Variants in DOCK11 observed in about 807,000 individuals in gnomAD.
DOCK11 encodes dedicator of cytokinesis 11.
A neutral mutation model predicts 169.1 loss-of-function variants in DOCK11; 70 were observed. The ratio of observed to expected loss-of-function variants is 0.41; its 90% CI spans 0.34 to 0.51. The LOEUF (loss-of-function observed/expected upper bound fraction) is 0.51. Among genes scored for constraint, DOCK11 ranks in the 20% least tolerant of loss-of-function variants. The probability of loss-of-function intolerance (pLI) is 0.10; values close to 1 mark genes in which losing one functional copy is unlikely to be tolerated. For synonymous variants in DOCK11, 529 were observed against 541.3 expected (o/e 0.98, Z 0.32); for missense variants, 1,166 against 1,538.8 (o/e 0.76, Z 4.05).
chrX:118,525,985 C>T (rs1355907942), intron 1 of DOCK11, among the ~76,000 whole-genome samples: 1 of 112,003 alleles, frequency 8.9e-6, no homozygotes, highest in Non-Finnish European at 1.9e-5. Context: ...CCTACTTATT[C>T]CCTGTGAAAT....
chrX:118,643,712 C>T, intron 40 of DOCK11, 118 bp downstream of exon 40: 1 of 817,161 alleles, frequency 1.2e-6, no homozygotes, highest in Non-Finnish European at 1.8e-6. Flanking sequence ...CCATTAAGTA[C>T]TGCCTTTGTA....
intron 7 of DOCK11, among the ~76,000 whole-genome samples, chrX:118,563,696 TA>T (rs1312965704): frequency 6.5e-5 from 7 of 108,086 alleles, no homozygotes; most frequent in African/African-American, 2.3e-4. Context: ...TATTATCATT[TA>T]AAAAATTTTT....
intron 6 of DOCK11, among the ~76,000 whole-genome samples, chrX:118,550,778 G>T (rs1217181164): frequency 8.9e-6 from 1 of 112,190 alleles, no homozygotes; most frequent in Admixed American, 9.5e-5. Context: ...TAAAGATGAG[G>T]TGAGCAGCTG....
intron 6 of DOCK11, among the ~76,000 whole-genome samples, chrX:118,551,630 C>T (rs2012496622): frequency 9.1e-6 from 1 of 110,014 alleles, no homozygotes; most frequent in South Asian, 3.9e-4. Flanking sequence ...CCTGGGAGGT[C>T]AAAGCTACAG....
chrX:118,686,111 A>G lies in DOCK11; in HGVS notation c.*304A>G, dbSNP rs1052146617. 3.4e-5 allele frequency: 6 copies of G among 176,228 alleles called. No homozygotes were observed. The highest frequency in any genetic ancestry group is 1.5e-4 in the African/African-American group (5 of 33,500). 14.5% of individuals were successfully genotyped at this position (176,228 alleles called of 1,213,427 possible). On this transcript the variant is annotated 3_prime_UTR_variant, in exon 53 of 53. Coordinates refer to ENST00000276202, the MANE Select transcript of DOCK11 (RefSeq NM_144658.4). ...AAATAATGGTACTATGTAAAATTGT[A>G]TAATGGAATACAATAAAAGGTAAAA...
chrX:118,586,573 G>A (rs1057024415), intron 16 of DOCK11, among the ~76,000 whole-genome samples: 1 of 111,514 alleles, frequency 9.0e-6, no homozygotes, highest in South Asian at 3.7e-4. Context: ...GATTTGGGTG[G>A]AGACACAAAG....
intron 30 of DOCK11, among the ~76,000 whole-genome samples, chrX:118,617,037 A>G (rs1410394624): frequency 1.8e-5 from 2 of 112,102 alleles, no homozygotes; most frequent in African/African-American, 6.5e-5. Flanking sequence ...ATTAAATTGG[A>G]CTACTCGCAG....
At position 118,599,126 on chromosome X, in the gene DOCK11, A is replaced by G. The variant is rs2014257469; in HGVS notation, c.2473-13A>G. ...AATCAAATTTCATATGGCTGTTTCC[A>G]TCTGTGTTCCAGGATCTGCATGTGC... On this transcript the variant is annotated splice_polypyrimidine_tract_variant and intron_variant, in intron 22 of 52. Transcript: ENST00000276202. The G allele has an allele frequency of 1.7e-6, 2 of 1,194,577 alleles. No homozygotes were observed. Among genetic ancestry groups the G allele is most frequent in the Admixed American group, 2.2e-5 (1 of 45,301 alleles).
chrX:118,645,563 G>A (rs1244111913), intron 40 of DOCK11, among the ~76,000 whole-genome samples: 3 of 108,937 alleles, frequency 2.8e-5, no homozygotes, highest in African/African-American at 1.0e-4. Context: ...GCGTGGTGGC[G>A]GGTGCCTGTA....
At chrX:118,520,452 TC>T (rs1164513159) in intron 1 of DOCK11, among the ~76,000 whole-genome samples, 1 of 112,705 alleles carries the variant, frequency 8.9e-6, no homozygotes, top group Non-Finnish European at 1.9e-5. Context: ...ATGGTTGCTT[TC>T]CCCTCAAGCA....
chrX:118,576,645 C>T (rs148593840), intron 12 of DOCK11, among the ~76,000 whole-genome samples: 1,200 of 112,072 alleles, frequency 0.011, 8 homozygotes, highest in Non-Finnish European at 0.015. Context: ...ACTGGGTTAG[C>T]GCAGTGCAGC....
At chrX:118,530,235 A>G (rs1362725629) in intron 1 of DOCK11, among the ~76,000 whole-genome samples, 2 of 112,975 alleles carry the variant, frequency 1.8e-5, no homozygotes, top group Non-Finnish European at 3.7e-5. Context: ...ATTTTCCTCA[A>G]TAGTTTTGTA....
At chrX:118,607,112 CTTTTTTTT>C (rs776058680) in intron 24 of DOCK11, among the ~76,000 whole-genome samples, 1 of 63,002 alleles carries the variant, frequency 1.6e-5, no homozygotes, top group Admixed American at 1.9e-4. Context: ...TCCTTTCCTT[CTTTTTTTT>C]TTTTTTTTTT....
intron 28 of DOCK11, among the ~76,000 whole-genome samples, chrX:118,612,740 G>T (rs1044977941): frequency 8.9e-6 from 1 of 111,821 alleles, no homozygotes; most frequent in African/African-American, 3.3e-5. Flanking sequence ...CCTGAACAAA[G>T]ATGAAATATG....
Position 118,516,015 on chromosome X carries a change from A to ATATATATATATATG in DOCK11, c.102+19946_102+19947insTATATATATGTATA, listed in dbSNP as rs1556229978. On this transcript the variant is annotated intron_variant, in intron 1 of 52. Transcript: ENST00000276202. ...TAAGGATTTGGGCAAATATATATAT[A>ATATATATATATATG]TATACATTCTTACACCAGAAAACTG... 1.4e-4 allele frequency among the ~76,000 whole-genome samples: 12 copies of ATATATATATATATG among 86,003 alleles called. 1 individual carries two copies. Among genetic ancestry groups the ATATATATATATATG allele is most frequent in the African/African-American group, 5.4e-4 (11 of 20,503 alleles). 74.7% of individuals were successfully genotyped at this position (86,003 alleles called of 115,157 possible).
chrX:118,668,875 G>A (rs2016400422), intron 45 of DOCK11, among the ~76,000 whole-genome samples: 1 of 111,575 alleles, frequency 9.0e-6, no homozygotes, highest in Non-Finnish European at 1.9e-5. Context: ...CCTGAACAAA[G>A]ACATAAAGCT....
chrX:118,648,122 ATAT>A (rs1400318969), intron 40 of DOCK11, among the ~76,000 whole-genome samples: 20 of 77,067 alleles, frequency 2.6e-4, no homozygotes, highest in African/African-American at 7.6e-4. Flanking sequence ...ATAAATTGTA[ATAT>A]TATATAATAT....
At chrX:118,566,677 G>A in intron 9 of DOCK11, 24 bp downstream of exon 9, 1 of 1,155,159 alleles carries the variant, frequency 8.7e-7, no homozygotes, top group African/African-American at 1.8e-5. Context: ...ATGGCAACTT[G>A]CCTTCAACTG....
intron 1 of DOCK11, among the ~76,000 whole-genome samples, chrX:118,513,094 A>G (rs1252992423): frequency 9.1e-6 from 1 of 110,462 alleles, no homozygotes; most frequent in Non-Finnish European, 1.9e-5. Flanking sequence ...CAGCTCCTTG[A>G]CTTCTCCCTT....
Sources: gnomAD v4.1 joint callset for allele counts (sites outside exome capture counted in the v4.1 genomes callset) on GRCh38, gnomAD v4.1.1 for gene constraint, MANE v1.5 for transcripts, NCBI Gene and HGNC (gene_info 2026-07-23, HGNC 2026-07-21) for gene names.